The following ACACA variants were observed in gnomAD, a reference collection of about 807,000 sequenced individuals.
ACACA encodes the protein acetyl-CoA carboxylase alpha.
ACACA carries 103 observed loss-of-function variants against 296.1 expected under a neutral mutation model. The ratio of observed to expected loss-of-function variants is 0.35; its 90% CI spans 0.30 to 0.41. The LOEUF is 0.41. Among genes scored for constraint, ACACA ranks in the 10% least tolerant of loss-of-function variants. The pLI, the probability that ACACA is intolerant of heterozygous loss-of-function variation, is 1.00. For missense variants in ACACA, 1,554 were observed against 2,989.7 expected (o/e 0.52, Z 11.20); for synonymous variants, 953 against 1,038.6 (o/e 0.92, Z 1.58).
chr17:37,193,337 A>ATTT, intron 36 of ACACA, 37 bp downstream of exon 36: 1 of 1,291,838 alleles, frequency 7.7e-7, no homozygotes, highest in Non-Finnish European at 1.1e-6. Context: ...AGAAAAAGTA[A>ATTT]TTTTTTTTTT....
Position 37,240,568 on chromosome 17 carries a change from G to T in ACACA, c.3033-4C>A. ...GCCTCGGATGCCACTTCGGTACCTA[G>T]GCAAATAGAAAGTCTCCACTGAAAA... is the stretch of plus-strand genomic sequence containing the variant. On this transcript the variant is annotated splice_polypyrimidine_tract_variant and splice_region_variant and intron_variant, in intron 23 of 55. Transcript: ENST00000616317. The T allele has an allele frequency of 6.2e-7, 1 of 1,610,758 alleles. No individual in the cohort carries two copies. The highest frequency in any genetic ancestry group is 1.1e-5 in the South Asian group (1 of 90,722).
At chr17:37,174,020 A>ATATTTTTTTT (rs552735515) in intron 41 of ACACA, among the ~76,000 whole-genome samples, 5 of 16,794 alleles carry the variant, frequency 3.0e-4, no homozygotes, top group Admixed American at 2.5e-3. Flanking sequence ...ATATATATAT[A>ATATTTTTTTT]TTTTTTTTTT....
chr17:37,090,292 A>C (rs958325956), intron 54 of ACACA, among the ~76,000 whole-genome samples: 2 of 152,166 alleles, frequency 1.3e-5, no homozygotes, highest in Non-Finnish European at 2.9e-5. Flanking sequence ...TCCTGTCTCT[A>C]ACTTAGCTGC....
At chr17:37,198,030 A>G (rs2078082641) in intron 35 of ACACA, among the ~76,000 whole-genome samples, 1 of 152,210 alleles carries the variant, frequency 6.6e-6, no homozygotes, top group Non-Finnish European at 1.5e-5. Flanking sequence ...TTTTGCCTAT[A>G]CATGTCCCTA....
intron 1 of ACACA, chr17:37,359,207 GGTGACTAC>G: frequency 1.1e-6 from 1 of 904,500 alleles, no homozygotes; most frequent in Non-Finnish European, 1.3e-6. Context: ...AGCTCCATGA[GGTGACTAC>G]GTCCGGGGTT....
At chr17:37,391,672 C>T in intron 1 of ACACA, 1 of 1,613,948 alleles carries the variant, frequency 6.2e-7, no homozygotes, top group Middle Eastern at 1.6e-4. Context: ...GCCAATTCAT[C>T]AAACCCAAAG....
chr17:37,195,360 G>A (rs1034619850), intron 35 of ACACA, among the ~76,000 whole-genome samples: 6 of 152,016 alleles, frequency 3.9e-5, no homozygotes, highest in African/African-American at 1.5e-4. Flanking sequence ...AAAATTTGTA[G>A]TAACTGAAAG....
chr17:37,087,613 A>G (rs1597775689), intron 55 of ACACA, among the ~76,000 whole-genome samples, 174 bp from the exon 56 acceptor site: 1 of 152,360 alleles, frequency 6.6e-6, no homozygotes, highest in South Asian at 2.1e-4. Flanking sequence ...AGTGCAAGAC[A>G]AACCCAAAAC....
At chr17:37,380,776 T>G (rs1450524450) in intron 1 of ACACA, among the ~76,000 whole-genome samples, 1 of 152,102 alleles carries the variant, frequency 6.6e-6, no homozygotes, top group Non-Finnish European at 1.5e-5. Flanking sequence ...TTTTGTATTT[T>G]TAGTAGAGAC....
chr17:37,224,808 A>C (rs1213804659), intron 27 of ACACA, among the ~76,000 whole-genome samples, 184 bp downstream of exon 27: 2 of 152,060 alleles, frequency 1.3e-5, no homozygotes, highest in Non-Finnish European at 2.9e-5. Flanking sequence ...TTCTAACAGC[A>C]TTTGTATGAA....
At chr17:37,259,327 C>G (rs2081344305) in intron 12 of ACACA, 33 bp downstream of exon 12, 4 of 1,613,610 alleles carry the variant, frequency 2.5e-6, no homozygotes, top group Non-Finnish European at 3.4e-6. Flanking sequence ...TCTGACTTTT[C>G]TAGGCTCTGC....
At chr17:37,379,509 T>C (rs944031317) in intron 1 of ACACA, 3 of 1,266,684 alleles carry the variant, frequency 2.4e-6, no homozygotes, top group African/African-American at 3.0e-5. Flanking sequence ...GGGTTGTTTG[T>C]TTTTTTTCTT....
chr17:37,360,366 C>T (rs546193690), intron 1 of ACACA: 2 of 152,092 alleles, frequency 1.3e-5, no homozygotes, highest in South Asian at 4.2e-4. Context: ...GAAATACATG[C>T]CCAGGTAAGA....
chr17:37,328,430 TTAAAA>T (rs756505912), intron 3 of ACACA, among the ~76,000 whole-genome samples: 21 of 152,152 alleles, frequency 1.4e-4, no homozygotes, highest in Non-Finnish European at 2.8e-4. Context: ...AATTAATTTT[TTAAAA>T]TAAAATAAAA....
chr17:37,102,125 C>A (rs2142848890), intron 52 of ACACA, among the ~76,000 whole-genome samples: 1 of 152,204 alleles, frequency 6.6e-6, no homozygotes, highest in Middle Eastern at 3.4e-3. Flanking sequence ...CAACTTTATG[C>A]CAGGGTGTCT....
At chr17:37,314,634 CTTTTTTT>C (rs57554348) in intron 3 of ACACA, among the ~76,000 whole-genome samples, 2 of 109,996 alleles carry the variant, frequency 1.8e-5, no homozygotes, top group Non-Finnish European at 3.5e-5. Flanking sequence ...GGAATCCACA[CTTTTTTT>C]TTTTTTTTTT....
At chr17:37,244,967 G>A in intron 20 of ACACA, 113 bp downstream of exon 20, 1 of 1,502,226 alleles carries the variant, frequency 6.7e-7, no homozygotes, top group Non-Finnish European at 9.3e-7. Flanking sequence ...AGATTAATAG[G>A]GGACAAAGCT....
At chr17:37,380,904 T>TCTATA (rs1568079850) in intron 1 of ACACA, among the ~76,000 whole-genome samples, 1 of 151,674 alleles carries the variant, frequency 6.6e-6, no homozygotes, top group African/African-American at 2.4e-5. Flanking sequence ...CCAGGTTTTT[T>TCTATA]TTTTTTTTAA....
At chr17:37,172,000 A>C (rs550727352) in intron 41 of ACACA, among the ~76,000 whole-genome samples, 1 of 151,888 alleles carries the variant, frequency 6.6e-6, no homozygotes, top group East Asian at 1.9e-4. Flanking sequence ...TGAGTGCTGA[A>C]CTCTGGTGCC....
Sources: gnomAD v4.1 joint callset for allele counts (sites outside exome capture counted in the v4.1 genomes callset) on GRCh38, gnomAD v4.1.1 for gene constraint, MANE v1.5 for transcripts, NCBI Gene and HGNC (gene_info 2026-07-23, HGNC 2026-07-21) for gene names.